CFAP57: variants seen among roughly 807,000 people sequenced by gnomAD.
CFAP57 encodes the protein cilia- and flagella-associated protein 57.
CFAP57 carries 116 observed loss-of-function variants against 146.8 expected under a neutral mutation model. The ratio of observed to expected loss-of-function variants is 0.79; its 90% CI spans 0.68 to 0.92. The LOEUF is 0.92. CFAP57 is among the 40% of genes least tolerant of loss of function. The pLI is 0.00. For missense variants in CFAP57, 1,377 were observed against 1,527.2 expected, an observed-to-expected ratio of 0.90 and a Z score of 1.64; for synonymous variants, 518 against 552.8, an observed-to-expected ratio of 0.94 and a Z score of 0.88.
At chr1:43,191,619 CCTT>C (rs34390792) in intron 6 of CFAP57, among the ~76,000 whole-genome samples, 27,038 of 148,084 alleles carry the variant, frequency 0.18, 2,904 homozygotes, top group Middle Eastern at 0.28. Context: ...AATATTCCCT[CCTT>C]CATTTCTGAT....
chr1:43,218,318 A>G (rs1644914742), intron 12 of CFAP57, among the ~76,000 whole-genome samples: 1 of 152,206 alleles, frequency 6.6e-6, no homozygotes, highest in African/African-American at 2.4e-5. Flanking sequence ...AGAAGACACT[A>G]GGCCGGGTGC....
intron 7 of CFAP57, among the ~76,000 whole-genome samples, chr1:43,198,117 C>A (rs1010518907): frequency 6.6e-6 from 1 of 152,302 alleles, no homozygotes. Context: ...TACCTTCCAG[C>A]ACAGCTTCCC....
chr1:43,225,688 C>G (rs1645218471), intron 17 of CFAP57, among the ~76,000 whole-genome samples: 1 of 152,210 alleles, frequency 6.6e-6, no homozygotes, highest in African/African-American at 2.4e-5. Context: ...CAACATTTAT[C>G]ACATTTTAGG....
chr1:43,204,878 C>T (rs559841460), intron 9 of CFAP57, among the ~76,000 whole-genome samples: 3 of 152,120 alleles, frequency 2.0e-5, no homozygotes, highest in Admixed American at 2.0e-4. Context: ...TTCCAGGCTG[C>T]GAGGGATGAA....
At chr1:43,210,512 C>A in intron 11 of CFAP57, 1 of 723,884 alleles carries the variant, frequency 1.4e-6, no homozygotes, top group Non-Finnish European at 1.7e-6. Flanking sequence ...GGGAATTCTG[C>A]AATGTGCTAC....
intron 12 of CFAP57, among the ~76,000 whole-genome samples, chr1:43,217,578 C>T (rs919193582): frequency 2.6e-5 from 4 of 152,104 alleles, no homozygotes; most frequent in Non-Finnish European, 4.4e-5. Flanking sequence ...CATCCATGAT[C>T]CTTACCTCTC....
chr1:43,230,309 T>C (rs1570262927), intron 18 of CFAP57, among the ~76,000 whole-genome samples: 1 of 152,342 alleles, frequency 6.6e-6, no homozygotes, highest in East Asian at 1.9e-4. Flanking sequence ...CGCTATCATC[T>C]GCCTCCTCAG....
chr1:43,253,676 G>A (rs1410611280), intron 22 of CFAP57, among the ~76,000 whole-genome samples: 2 of 152,094 alleles, frequency 1.3e-5, no homozygotes, highest in Non-Finnish European at 2.9e-5. Context: ...TGTGGAGAAT[G>A]GGAGAAGGGG....
chr1:43,189,274 A>T (rs960996477), intron 6 of CFAP57, among the ~76,000 whole-genome samples: 6 of 152,200 alleles, frequency 3.9e-5, no homozygotes, highest in Admixed American at 1.3e-4. Context: ...TTCAATTTCT[A>T]CAAGAAGCCA....
At chr1:43,240,672 T>A (rs1645878239) in intron 21 of CFAP57, among the ~76,000 whole-genome samples, 1 of 152,208 alleles carries the variant, frequency 6.6e-6, no homozygotes. Context: ...TATAAAGGAA[T>A]ACCTGAGGCT....
At chr1:43,196,385 C>T (rs918172239) in intron 6 of CFAP57, 1 of 153,326 alleles carries the variant, frequency 6.5e-6, no homozygotes, top group African/African-American at 2.4e-5. Flanking sequence ...CCTGCCTACC[C>T]AGCATAGCAT....
intron 11 of CFAP57, among the ~76,000 whole-genome samples, chr1:43,214,329 C>G (rs576899973): frequency 2.0e-5 from 3 of 152,246 alleles, no homozygotes; most frequent in Admixed American, 6.5e-5. Flanking sequence ...GTCGTCTCTT[C>G]AGTCTGTTGA....
At chr1:43,221,734 C>T (rs771945357) in intron 14 of CFAP57, among the ~76,000 whole-genome samples, 1 of 152,176 alleles carries the variant, frequency 6.6e-6, no homozygotes, top group Non-Finnish European at 1.5e-5. Context: ...GTCCCAGGCT[C>T]ACCACGTACT....
chr1:43,183,961 C>T, intron 4 of CFAP57, 84 bp downstream of exon 4: 3 of 1,551,482 alleles, frequency 1.9e-6, no homozygotes, highest in African/African-American at 1.4e-5. Flanking sequence ...AGAAACCACT[C>T]ATAACCCCTC....
chr1:43,239,747 G>A (rs936609829), intron 21 of CFAP57, among the ~76,000 whole-genome samples: 3 of 152,166 alleles, frequency 2.0e-5, no homozygotes, highest in Admixed American at 1.3e-4. Context: ...GAAGCTTAGC[G>A]AGGCCTACTG....
chr1:43,220,924 G>A (rs1177639432), intron 13 of CFAP57, among the ~76,000 whole-genome samples: 1 of 152,126 alleles, frequency 6.6e-6, no homozygotes, highest in Non-Finnish European at 1.5e-5. Context: ...CGCAAAGTTA[G>A]GTCCTGAAGA....
chr1:43,179,930 G>A (rs1645321467), intron 2 of CFAP57, among the ~76,000 whole-genome samples: 1 of 152,058 alleles, frequency 6.6e-6, no homozygotes, highest in Non-Finnish European at 1.5e-5. Context: ...TTATAGGCCA[G>A]GCGTGGTGGC....
Position 43,238,773 on chromosome 1 carries a change from G to C in CFAP57, c.3405+4135G>C, listed in dbSNP as rs917656150. 1.3e-5 allele frequency among the ~76,000 whole-genome samples: 2 copies of C among 152,026 alleles called. No individual in the cohort carries two copies. The highest frequency in any genetic ancestry group is 2.9e-5 in the Non-Finnish European group (2 of 68,008). ...ATGGAGGTGACATAAATGTGAGGGG[G>C]GACAGCAGAGCCTGGAAAGCAGTAG... is the stretch of plus-strand genomic sequence containing the variant. On this transcript the variant is annotated intron_variant, in intron 21 of 22. Transcript: ENST00000372492. The surrounding 1 kb of genome is among the most constrained non-coding windows in gnomAD (Gnocchi z 4.3).
At chr1:43,235,530 C>G (rs3862222) in intron 21 of CFAP57, among the ~76,000 whole-genome samples, 82,005 of 152,056 alleles carry the variant, frequency 0.54, 22,549 homozygotes, top group East Asian at 0.85. Flanking sequence ...AGTTCATACA[C>G]AGCTGGGCAG....
Sources: gnomAD v4.1 joint callset for allele counts (sites outside exome capture counted in the v4.1 genomes callset) on GRCh38, gnomAD v4.1.1 for gene constraint, Gnocchi (gnomAD v3.1) non-coding constraint, MANE v1.5 for transcripts, NCBI Gene and HGNC (gene_info 2026-07-23, HGNC 2026-07-21) for gene names.